Variants in CIT observed in about 807,000 individuals in gnomAD.
CIT encodes citron rho-interacting serine/threonine kinase, also known as citron Rho-interacting kinase.
Under a neutral mutation model 272.7 loss-of-function variants are expected in CIT, and 79 were observed. That is an observed-to-expected ratio of 0.29 (90% CI 0.24 to 0.35). The LOEUF is 0.35. CIT is among the 10% of genes least tolerant of loss of function. CIT has a pLI of 1.00. For missense variants in CIT, 1,909 were observed against 2,618.3 expected (o/e 0.73, Z 5.91); for synonymous variants, 948 against 995.6 (o/e 0.95, Z 0.90).
chr12:119,847,911 TA>T (rs888699520), intron 5 of CIT, among the ~76,000 whole-genome samples: 1 of 151,624 alleles, frequency 6.6e-6, no homozygotes, highest in South Asian at 2.1e-4. Flanking sequence ...GTCTCAAAAA[TA>T]AAAAAAATTA....
intron 43 of CIT, 48 bp from the exon 44 acceptor site, chr12:119,700,873 G>A: frequency 6.8e-7 from 1 of 1,460,306 alleles, no homozygotes. Context: ...CAAGAGCAGG[G>A]GCATCAGCGA....
intron 10 of CIT, among the ~76,000 whole-genome samples, chr12:119,788,816 G>C (rs1243152000): frequency 2.0e-5 from 3 of 152,164 alleles, no homozygotes; most frequent in African/African-American, 7.2e-5. Flanking sequence ...TTCTATGTTT[G>C]ACAAATGCTC....
At chr12:119,812,733 G>C (rs949249551) in intron 9 of CIT, among the ~76,000 whole-genome samples, 1 of 144,002 alleles carries the variant, frequency 6.9e-6, no homozygotes, top group Non-Finnish European at 1.5e-5. Context: ...ACAGTGAAAA[G>C]ATTTATTCTT....
rs767237301 is a variant in CIT, at chr12:119,734,283, C to G, written c.3231G>C (p.Glu1077Asp). ...CCCACTGCCGCTCTTTTTCTAGCAG[C>G]TCATCGTTTAGGGCCTCCAAATCCA... is the stretch of plus-strand genomic sequence containing the variant. ...QVMDLEALND[E>D]LLEKERQWEA... The change falls in exon 26 of 48, where the codon GAG (glutamate) becomes GAC (aspartate). Residue 1077 changes from glutamate (E) to aspartate (D), a missense_variant. Glu to Asp is a conservative substitution (Grantham distance 45). Coordinates refer to ENST00000392521, the MANE Select transcript of CIT (RefSeq NM_001206999.2). The G allele has an allele frequency of 1.2e-6, 2 of 1,614,034 alleles. No individual in the cohort carries two copies. Among genetic ancestry groups the G allele is most frequent in the South Asian group, 2.2e-5 (2 of 91,072 alleles).
At chr12:119,867,689 C>T (rs1370149835) in intron 3 of CIT, among the ~76,000 whole-genome samples, 1 of 152,030 alleles carries the variant, frequency 6.6e-6, no homozygotes, top group Non-Finnish European at 1.5e-5. Flanking sequence ...CCCTTCCCCC[C>T]AAACTCACAC....
In CIT at chr12:119,752,084, G is replaced by A. The variant is rs748943248; in HGVS notation, c.2870C>T (p.Thr957Ile). The change falls in exon 23 of 48, where the codon ACA (threonine) becomes ATA (isoleucine). Residue 957 changes from threonine to isoleucine, a missense_variant. By Grantham distance (89) the Thr-to-Ile change is moderately conservative (BLOSUM62 -1). Around this residue, in one of 8 missense-constraint regions of CIT, gnomAD observed 530 missense variants for 822.4 expected, o/e 0.64. Coordinates refer to ENST00000392521, the MANE Select transcript of CIT (RefSeq NM_001206999.2). ...CTGGATCTCCTCTTCAGCTTCTGCT[G>A]TGGTCTCTTCCAGCTCTGTCTTCGC... is the stretch of plus-strand genomic sequence containing the variant. ...RQAKTELEET[T>I]AEAEEEIQAL... is the part of the protein sequence containing the mutation. 1.9e-6 allele frequency: 3 copies of A among 1,612,584 alleles called. No homozygotes were observed. The highest frequency in any genetic ancestry group is 2.2e-5 in the East Asian group (1 of 44,886).
intron 23 of CIT, among the ~76,000 whole-genome samples, chr12:119,749,297 A>G (rs1022806914): frequency 1.3e-5 from 2 of 152,218 alleles, no homozygotes; most frequent in Non-Finnish European, 2.9e-5. Context: ...GAAACTCACA[A>G]ATCTCCTAGG....
chr12:119,769,525 CAACCACAAGAGAGTT>C (rs1232210532), intron 18 of CIT, among the ~76,000 whole-genome samples: 1 of 152,176 alleles, frequency 6.6e-6, no homozygotes, highest in South Asian at 2.1e-4. Context: ...AAACACTTTG[CAACCACAAGAGAGTT>C]AACCACTCCG....
chr12:119,847,430 C>T (rs1249282721), intron 5 of CIT, among the ~76,000 whole-genome samples: 1 of 151,694 alleles, frequency 6.6e-6, no homozygotes, highest in African/African-American at 2.4e-5. Flanking sequence ...CCCGTCTCTA[C>T]TAAAAATATA....
intron 23 of CIT, among the ~76,000 whole-genome samples, chr12:119,746,743 C>G (rs1959472770): frequency 2.0e-5 from 3 of 152,122 alleles, no homozygotes; most frequent in Admixed American, 6.5e-5. Flanking sequence ...CATAATGAAC[C>G]ACAGTCATTA....
At chr12:119,839,049 C>T (rs1400247557) in intron 5 of CIT, among the ~76,000 whole-genome samples, 2 of 152,182 alleles carry the variant, frequency 1.3e-5, no homozygotes, top group Non-Finnish European at 2.9e-5. Flanking sequence ...ACTTTCAGGC[C>T]AACAGAGACA....
rs760539513 is a variant in CIT at position 119,784,909 on chromosome 12, G to C, written c.1401+51C>G. The C allele has an allele frequency of 1.2e-6, 2 of 1,604,490 alleles. No homozygotes were observed. The highest frequency in any genetic ancestry group is 2.2e-5 in the East Asian group (1 of 44,748). ...CCCGGGCGGATCCCTTGGCATATAC[G>C]GACGGGAGGATCCTGGAGCAAGGAA... On this transcript the variant is annotated intron_variant, in intron 11 of 47. Transcript: ENST00000392521. This position sits in a 1 kb window ranked among gnomAD's most constrained non-coding sequence, Gnocchi z 4.7.
At chr12:119,759,635 G>C (rs1961487648) in intron 20 of CIT, among the ~76,000 whole-genome samples, 1 of 152,002 alleles carries the variant, frequency 6.6e-6, no homozygotes, top group South Asian at 2.1e-4. Context: ...GACAGAGCAA[G>C]ACTCCGTCTC....
At position 119,718,330 on chromosome 12, in the gene CIT, G is replaced by A. The variant is rs200613360; in HGVS notation, c.4083C>T (p.Ile1361=). The part of the protein sequence containing the change: ...TARQQIAMSA[I]VRSPEHQPSA... ...TGGGCTGGTGCTCTGGCGACCGCACGATGGCGGACATGGCGATCTGCTGCC... is the reference window on the plus strand; with the variant it reads ...TGGGCTGGTGCTCTGGCGACCGCACAATGGCGGACATGGCGATCTGCTGCC... Residue 1361 remains isoleucine, a synonymous_variant, in exon 32 of 48, where the codon ATC becomes ATT. Transcript: ENST00000392521. This position sits in a 1 kb window ranked among gnomAD's most constrained non-coding sequence, Gnocchi z 4.8. The A allele has an allele frequency of 7.6e-5, 122 of 1,614,102 alleles. No homozygotes were observed. The East Asian group carries it at 1.8e-3, about 24-fold the overall frequency.
At chr12:119,785,155 A>G (rs1400936968) in intron 10 of CIT, 90 bp from the exon 11 acceptor site, 16 of 1,367,270 alleles carry the variant, frequency 1.2e-5, no homozygotes, top group African/African-American at 1.5e-5. Context: ...CATTTTACAA[A>G]AACATCTCAT....
Position 119,739,098 on chromosome 12 carries a change from G to A in CIT, c.2958+3313C>T, listed in dbSNP as rs79468443. 5.8e-3 allele frequency among the ~76,000 whole-genome samples: 880 copies of A among 152,244 alleles called. 6 individuals carry two copies. The highest frequency in any genetic ancestry group is 0.02 in the African/African-American group (815 of 41,538). On this transcript the variant is annotated intron_variant, in intron 24 of 47. Coordinates refer to ENST00000392521, the MANE Select transcript of CIT (RefSeq NM_001206999.2). ...AAACCAGTCAGATAATGAGCATCAG[G>A]CTAAACAGACACAGGACTGAAATCC... is the stretch of plus-strand genomic sequence containing the variant.
chr12:119,747,744 A>T lies in CIT; in HGVS notation c.2904+4306T>A, dbSNP rs1283851210. On this transcript the variant is annotated intron_variant, in intron 23 of 47. Coordinates refer to ENST00000392521, the MANE Select transcript of CIT (RefSeq NM_001206999.2). ...AAAAAAACAAACAAACAAAAAAATT[A>T]AGACAGATATTTTTCAAATATTTAT... 3.3e-5 allele frequency among the ~76,000 whole-genome samples: 5 copies of T among 152,192 alleles called. No homozygotes were observed. In the East Asian group the frequency reaches 7.7e-4, roughly 23 times the overall value.
rs149618810 is a variant in CIT, at chr12:119,780,935, C to T, written c.1665+1583G>A. 1.4e-4 allele frequency among the ~76,000 whole-genome samples: 22 copies of T among 152,292 alleles called. 1 individual carries two copies. The highest frequency in any genetic ancestry group is 5.3e-4 in the African/African-American group (22 of 41,558). On this transcript the variant is annotated intron_variant, in intron 13 of 47. Coordinates refer to ENST00000392521, the MANE Select transcript of CIT (RefSeq NM_001206999.2). ...ATCATAAAAGACGTGTCTTTGAACT[C>T]GGCCACCAACATACACCTTTTCAAA...
Position 119,784,819 on chromosome 12 carries a change from C to A in CIT, c.1401+141G>T, listed in dbSNP as rs1165900340. 3.5e-6 allele frequency: 5 copies of A among 1,446,836 alleles called. No homozygotes were observed. Among genetic ancestry groups the A allele is most frequent in the Admixed American group, 2.8e-5 (1 of 35,420 alleles). The allele number at this position is 1,446,836 out of a possible 1,614,324, so 89.6% of individuals were successfully genotyped here. ...ATCTCCCTCTGAGCTGCTGGAGGCG[C>A]GACTTCAGCGAAGGCAGGAGCGCCT... On this transcript the variant is annotated intron_variant, in intron 11 of 47. Coordinates refer to ENST00000392521, the MANE Select transcript of CIT (RefSeq NM_001206999.2). This position sits in a 1 kb window ranked among gnomAD's most constrained non-coding sequence, Gnocchi z 4.7.
Sources: gnomAD v4.1 joint callset for allele counts (sites outside exome capture counted in the v4.1 genomes callset) on GRCh38, gnomAD v4.1.1 for gene constraint, gnomAD v4.1.1 regional missense constraint, Gnocchi (gnomAD v3.1) non-coding constraint, MANE v1.5 for transcripts, NCBI Gene and HGNC (gene_info 2026-07-23, HGNC 2026-07-21) for gene names.